MALRD1: variants seen among roughly 807,000 people sequenced by gnomAD.
MALRD1 encodes MAM and LDL-receptor class A domain-containing protein 1.
MALRD1 carries 247 observed loss-of-function variants against 242.1 expected under a neutral mutation model. That is an observed-to-expected ratio of 1.02 (90% confidence interval 0.92 to 1.13). The LOEUF (loss-of-function observed/expected upper bound fraction) is 1.13. Among genes scored for constraint, MALRD1 ranks in the 50% most tolerant of loss-of-function variants. The probability of loss-of-function intolerance (pLI) is 0.00; values close to 1 mark genes in which losing one functional copy is unlikely to be tolerated. For missense variants in MALRD1, 2,989 were observed against 2,533.1 expected (o/e 1.18, Z -3.86); for synonymous variants, 995 against 866.6 (o/e 1.15, Z -2.60).
intron 31 of MALRD1, among the ~76,000 whole-genome samples, chr10:19,523,007 A>G (rs1156793870): frequency 6.6e-6 from 1 of 152,170 alleles, no homozygotes; most frequent in Non-Finnish European, 1.5e-5. Context: ...AATCATCTTT[A>G]TATCTATTCT....
intron 29 of MALRD1, among the ~76,000 whole-genome samples, chr10:19,476,677 C>CT (rs1210990132): frequency 2.0e-5 from 3 of 152,190 alleles, no homozygotes; most frequent in African/African-American, 4.8e-5. Context: ...CAACCATAGC[C>CT]TGAGCGGTCA....
Position 19,360,109 on chromosome 10 carries a change from G to T in MALRD1, c.4441+7812G>T, listed in dbSNP as rs185118264. 1.5e-3 allele frequency among the ~76,000 whole-genome samples: 233 copies of T among 152,140 alleles called. 1 individual carries two copies. The highest frequency in any genetic ancestry group is 5.5e-3 in the Admixed American group (84 of 15,246). Reference sequence around the variant, plus strand: ...AATTATAATGGGAAATTGCCTCTAGGATCTAGCATTTCATTTATATAAGCA... The same window carrying T: ...AATTATAATGGGAAATTGCCTCTAGTATCTAGCATTTCATTTATATAAGCA... On this transcript the variant is annotated intron_variant, in intron 26 of 39. Coordinates refer to ENST00000454679, the MANE Select transcript of MALRD1 (RefSeq NM_001142308.3).
intron 11 of MALRD1, among the ~76,000 whole-genome samples, chr10:19,147,669 T>A (rs1290267742): frequency 1.3e-5 from 2 of 152,190 alleles, no homozygotes; most frequent in Non-Finnish European, 2.9e-5. Flanking sequence ...GGTCTCAGTC[T>A]GGTAGCTTAA....
At chr10:19,607,304 A>G (rs1203766615) in intron 34 of MALRD1, among the ~76,000 whole-genome samples, 4 of 152,164 alleles carry the variant, frequency 2.6e-5, no homozygotes, top group Admixed American at 2.6e-4. Flanking sequence ...TGGAGGCTAA[A>G]AGTCCAAGAT....
At chr10:19,359,735 G>A (rs569674090) in intron 26 of MALRD1, among the ~76,000 whole-genome samples, 4 of 145,440 alleles carry the variant, frequency 2.8e-5, no homozygotes, top group Non-Finnish European at 6.0e-5. Context: ...TTTGACCCAG[G>A]AGAGCTGGCT....
At chr10:19,630,282 G>T (rs893839552) in intron 36 of MALRD1, among the ~76,000 whole-genome samples, 2 of 152,048 alleles carry the variant, frequency 1.3e-5, no homozygotes, top group African/African-American at 4.8e-5. Context: ...ATACACGTTG[G>T]TATTGAATTC....
intron 31 of MALRD1, among the ~76,000 whole-genome samples, chr10:19,514,072 G>A (rs190434656): frequency 2.3e-4 from 35 of 152,282 alleles, no homozygotes; most frequent in Middle Eastern, 3.4e-3. Flanking sequence ...GTTTGTAATA[G>A]CTTTCAGGAA....
At chr10:19,619,108 C>T (rs901299246) in intron 36 of MALRD1, among the ~76,000 whole-genome samples, 4 of 152,050 alleles carry the variant, frequency 2.6e-5, no homozygotes, top group South Asian at 2.1e-4. Flanking sequence ...ACGAATTTCA[C>T]GTGTTCTAAA....
rs1564492951 is a variant in MALRD1, at chr10:19,238,539, T to TTAC, written c.2992-19145_2992-19144insTAC. 2.1e-4 allele frequency among the ~76,000 whole-genome samples: 15 copies of TTAC among 71,704 alleles called. 1 individual carries two copies. The highest frequency in any genetic ancestry group is 6.7e-4 in the African/African-American group (15 of 22,356). 47.0% of individuals were successfully genotyped at this position (71,704 alleles called of 152,430 possible). On this transcript the variant is annotated intron_variant, in intron 18 of 39. Transcript: ENST00000454679. Reference sequence around the variant, plus strand: ...TATATTATATATAATATACATTATATATAATATATAATGTATATTATATAT... The same window carrying TTAC: ...TATATTATATATAATATACATTATATTACATAATATATAATGTATATTATATAT...
At chr10:19,178,153 T>G (rs10508575) in intron 14 of MALRD1, among the ~76,000 whole-genome samples, 12,421 of 152,190 alleles carry the variant, frequency 0.082, 590 homozygotes, top group Non-Finnish European at 0.11. Context: ...TTTCTTAAAT[T>G]CACTCAGGAT....
intron 14 of MALRD1, among the ~76,000 whole-genome samples, chr10:19,185,024 T>A (rs1208012601): frequency 6.6e-6 from 1 of 152,234 alleles, no homozygotes; most frequent in Non-Finnish European, 1.5e-5. Flanking sequence ...AAGTTCCTAT[T>A]TTTGTGAACA....
intron 6 of MALRD1, among the ~76,000 whole-genome samples, chr10:19,123,921 G>A (rs1015141231): frequency 4.0e-5 from 6 of 151,606 alleles, no homozygotes; most frequent in African/African-American, 7.3e-5. Context: ...TTTAAAAATC[G>A]TTGACTGGGT....
At chr10:19,203,696 G>A (rs1836654087) in intron 14 of MALRD1, 32 bp from the exon 15 acceptor site, 10 of 1,494,350 alleles carry the variant, frequency 6.7e-6, no homozygotes, top group Admixed American at 2.2e-5. Context: ...AGTTTGGAGA[G>A]CCAACATAAG....
intron 31 of MALRD1, among the ~76,000 whole-genome samples, chr10:19,529,318 C>G (rs942607275): frequency 2.6e-5 from 4 of 152,028 alleles, no homozygotes; most frequent in East Asian, 3.9e-4. Flanking sequence ...ACTTGTACTA[C>G]CCATGAAATG....
intron 21 of MALRD1, among the ~76,000 whole-genome samples, chr10:19,308,081 T>A (rs541365556): frequency 2.6e-5 from 4 of 151,712 alleles, no homozygotes; most frequent in African/African-American, 7.2e-5. Flanking sequence ...TAAGTTATTA[T>A]CGGCTGTAGT....
At chr10:19,477,941 G>A (rs1002973640) in intron 29 of MALRD1, among the ~76,000 whole-genome samples, 1 of 152,180 alleles carries the variant, frequency 6.6e-6, no homozygotes, top group South Asian at 2.1e-4. Flanking sequence ...GAACATGCCT[G>A]GCTCCCAAGT....
intron 36 of MALRD1, among the ~76,000 whole-genome samples, chr10:19,630,351 C>T (rs1839850785): frequency 6.6e-6 from 1 of 152,064 alleles, no homozygotes; most frequent in African/African-American, 2.4e-5. Context: ...CATATAATAT[C>T]ACTTCATAGT....
intron 34 of MALRD1, among the ~76,000 whole-genome samples, chr10:19,604,074 A>G (rs1200139028): frequency 6.6e-6 from 1 of 152,174 alleles, no homozygotes; most frequent in Non-Finnish European, 1.5e-5. Flanking sequence ...AATGATTATT[A>G]ATGAGTAAGT....
At chr10:19,667,458 T>C (rs538959712) in intron 36 of MALRD1, among the ~76,000 whole-genome samples, 1 of 152,252 alleles carries the variant, frequency 6.6e-6, no homozygotes, top group East Asian at 1.9e-4. Flanking sequence ...TGAACTGTAA[T>C]CTCCAATGCT....
Sources: gnomAD v4.1 joint callset for allele counts (sites outside exome capture counted in the v4.1 genomes callset) on GRCh38, gnomAD v4.1.1 for gene constraint, MANE v1.5 for transcripts, NCBI Gene and HGNC (gene_info 2026-07-23, HGNC 2026-07-21) for gene names.